The following ANKRD26 variants were observed in gnomAD, a reference collection of about 807,000 sequenced individuals.
ANKRD26 encodes the protein ankyrin repeat domain-containing protein 26.
ANKRD26 carries 141 observed loss-of-function variants against 208.7 expected under a neutral mutation model. The observed-to-expected ratio is 0.68, with a 90% confidence interval of 0.59 to 0.78. The LOEUF is 0.78. Ranked by LOEUF, ANKRD26 falls within the 30% of genes least tolerant of loss-of-function variation. ANKRD26 has a pLI of 0.00. For synonymous variants in ANKRD26, 636 were observed against 660.4 expected (o/e 0.96, Z 0.57); for missense variants, 1,889 against 1,938.7 (o/e 0.97, Z 0.48).
At chr10:27,047,722 C>CTACTAATAA (rs1235967013) in intron 17 of ANKRD26, among the ~76,000 whole-genome samples, 7 of 145,160 alleles carry the variant, frequency 4.8e-5, no homozygotes, top group African/African-American at 1.6e-4. Flanking sequence ...ACTACTACTA[C>CTACTAATAA]TAATAATAAT....
chr10:26,976,122 T>C (rs1012126273), intron 5 of ANKRD26, among the ~76,000 whole-genome samples: 2 of 152,304 alleles, frequency 1.3e-5, no homozygotes, highest in African/African-American at 4.8e-5. Flanking sequence ...GGGGGCTTGG[T>C]TAAATTACTC....
chr10:27,057,706 A>G (rs1295198431), intron 15 of ANKRD26, among the ~76,000 whole-genome samples: 1 of 152,226 alleles, frequency 6.6e-6, no homozygotes, highest in Non-Finnish European at 1.5e-5. Context: ...TGGGAGGCCA[A>G]GATGGGTGGA....
chr10:27,100,267 C>T lies in ANKRD26; in HGVS notation c.60G>A (p.Gln20=). Residue 20 remains glutamine (Q), a synonymous_variant, in exon 1 of 34, where the codon CAG becomes CAA. Transcript: ENST00000376087. ...CGCCCCCGCCTCCCGCGCTGCTCCTCTGCCGCCGCGCGAAGGAGCCCAAGG... is the reference window on the plus strand; with the variant it reads ...CGCCCCCGCCTCCCGCGCTGCTCCTTTGCCGCCGCGCGAAGGAGCCCAAGG... ...ESPLGSFARR[Q]RSSAGGGGEP... The T allele has an allele frequency of 1.2e-6, 2 of 1,609,310 alleles. No individual in the cohort carries two copies. The highest frequency in any genetic ancestry group is 1.7e-6 in the Non-Finnish European group (2 of 1,177,702).
chr10:27,031,165 G>A (rs550826208), intron 25 of ANKRD26, among the ~76,000 whole-genome samples: 241 of 152,330 alleles, frequency 1.6e-3, no homozygotes, highest in African/African-American at 5.5e-3. Context: ...GTCAAGCAGA[G>A]AGATGGTGAA....
intron 4 of ANKRD26, among the ~76,000 whole-genome samples, chr10:26,996,377 T>C (rs2052592887): frequency 6.6e-6 from 1 of 152,114 alleles, no homozygotes; most frequent in Admixed American, 6.5e-5. Flanking sequence ...CTGGCCAACA[T>C]GGTGAAAACC....
At chr10:26,954,857 G>T in the ANKRD26 span, among the ~76,000 whole-genome samples, 4 of 151,392 alleles carry the variant, frequency 2.6e-5, no homozygotes, top group African/African-American at 9.7e-5. Context: ...TGGACTTTAT[G>T]AAACATAGTT....
At chr10:27,048,777 CT>C in intron 17 of ANKRD26, 23 bp downstream of exon 17, 1 of 1,591,014 alleles carries the variant, frequency 6.3e-7, no homozygotes, top group Admixed American at 1.7e-5. Context: ...CAATTATCTG[CT>C]GTTAAATATG....
At chr10:27,065,752 A>AAC (rs1469157323) in intron 11 of ANKRD26, among the ~76,000 whole-genome samples, 2 of 150,422 alleles carry the variant, frequency 1.3e-5, no homozygotes, top group East Asian at 3.9e-4. Context: ...AAACAAAAAA[A>AAC]ACTACATTCC....
chr10:27,060,424 G>A lies in ANKRD26; in HGVS notation c.1492-7C>T, dbSNP rs1044319203. On this transcript the variant is annotated splice_polypyrimidine_tract_variant and splice_region_variant and intron_variant, in intron 14 of 33. Coordinates refer to ENST00000376087, the MANE Select transcript of ANKRD26 (RefSeq NM_014915.3). ...CTTTCATTTCAATGGTAGGCTGAAT[G>A]GGTTTTGAAACAAAATGATTAATAA... 1.2e-6 allele frequency: 2 copies of A among 1,608,486 alleles called. No individual in the cohort carries two copies. Among genetic ancestry groups the A allele is most frequent in the African/African-American group, 1.3e-5 (1 of 74,776 alleles).
Position 26,992,505 on chromosome 10 carries a change from C to G in ANKRD26, c.*30-500G>C, listed in dbSNP as rs532907782. ...ACACACACACACACACACACACACA[C>G]ACAGAGAGAAAAAGAGAGAGACTTT... On this transcript the variant is annotated intron_variant, in intron 5 of 5. Coordinates refer to the ANKRD26 transcript ENST00000445828. Among the ~76,000 whole-genome samples, 1,267 of 136,182 alleles carry G rather than the reference C, an allele frequency of 9.3e-3. 12 individuals are homozygous for G. Among genetic ancestry groups the G allele is most frequent in the African/African-American group, 0.034 (1,052 of 31,170 alleles). The allele number at this position is 136,182 out of a possible 152,430, so 89.3% of individuals were successfully genotyped here.
Position 27,061,241 on chromosome 10 carries a change from A to G in ANKRD26, c.1365T>C (p.Asp455=). Residue 455 remains aspartate (D), a splice_region_variant and synonymous_variant, in exon 13 of 34, where the codon GAT becomes GAC. Coordinates refer to ENST00000376087, the MANE Select transcript of ANKRD26 (RefSeq NM_014915.3). ...EKNIGNEQAE[D]VFYIPSCMSG... is the part of the protein sequence containing the mutation. The stretch of plus-strand genomic sequence containing the variant: ...TCATGCAAGAAGGTATATAAAACAC[A>G]TCTAAGAAATAATACATAATAAGCT... 2 of 1,574,012 alleles carry G rather than the reference A, an allele frequency of 1.3e-6. No individual in the cohort carries two copies. Among genetic ancestry groups the G allele is most frequent in the Non-Finnish European group, 1.7e-6 (2 of 1,144,964 alleles).
chr10:27,053,216 G>T, intron 16 of ANKRD26, 104 bp downstream of exon 16: 1 of 814,384 alleles, frequency 1.2e-6, no homozygotes, highest in South Asian at 1.7e-5. Context: ...ATGATCTATT[G>T]ATTCTAAAAG....
chr10:26,951,192 T>C, the ANKRD26 span, among the ~76,000 whole-genome samples: 2 of 152,182 alleles, frequency 1.3e-5, no homozygotes, highest in African/African-American at 4.8e-5. Flanking sequence ...GACAACCTCA[T>C]ACTTTGAAAG....
intron 25 of ANKRD26, among the ~76,000 whole-genome samples, chr10:27,033,007 G>A (rs2053926197): frequency 6.6e-6 from 1 of 151,120 alleles, no homozygotes; most frequent in East Asian, 1.9e-4. Flanking sequence ...CCCGGGAGGT[G>A]GGGCTTGCAT....
At chr10:27,042,406 C>T (rs1454899528) in intron 20 of ANKRD26, among the ~76,000 whole-genome samples, 1 of 151,760 alleles carries the variant, frequency 6.6e-6, no homozygotes, top group South Asian at 2.1e-4. Context: ...CACTTGAGGT[C>T]GGGAGTTTGA....
chr10:26,977,810 G>A (rs945802954), intron 5 of ANKRD26, among the ~76,000 whole-genome samples: 5 of 152,170 alleles, frequency 3.3e-5, no homozygotes, highest in African/African-American at 1.2e-4. Context: ...CAGGGCAAAG[G>A]AGAAAGCCCG....
At chr10:26,970,015 T>TAGAGACAGAGA, downstream of ANKRD26, among the ~76,000 whole-genome samples, 1 of 34,376 alleles carries the variant, frequency 2.9e-5, no homozygotes, top group Admixed American at 3.2e-4. Context: ...TGTATTTTAG[T>TAGAGACAGAGA]TTTGTCATGT....
intron 24 of ANKRD26, among the ~76,000 whole-genome samples, chr10:27,034,100 T>A (rs2135175034): frequency 6.6e-6 from 1 of 152,334 alleles, no homozygotes; most frequent in African/African-American, 2.4e-5. Context: ...TCATAATATA[T>A]TCAAAGTAAA....
Position 27,049,922 on chromosome 10 carries a change from A to G in ANKRD26, c.1636-943T>C, listed in dbSNP as rs145331461. 5.9e-5 allele frequency among the ~76,000 whole-genome samples: 9 copies of G among 152,214 alleles called. No individual in the cohort carries two copies. The East Asian group carries it at 1.2e-3, about 20-fold the overall frequency. ...GGTGTGGGAAGTCTCGTCTGCTTTT[A>G]CTTTTAAAGAAGAATATTGGCCGGG... On this transcript the variant is annotated intron_variant, in intron 16 of 33. Transcript: ENST00000376087.
Sources: allele counts gnomAD v4.1 joint callset (sites outside exome capture counted in the v4.1 genomes callset), GRCh38; gene constraint gnomAD v4.1.1; transcripts MANE v1.5; gene names NCBI Gene and HGNC (gene_info 2026-07-23, HGNC 2026-07-21).